SEMA5A: variants seen among roughly 807,000 people sequenced by gnomAD.
SEMA5A encodes the protein semaphorin 5A, also known as semaphorin-5A.
A neutral mutation model predicts 135.5 loss-of-function variants in SEMA5A; 55 were observed. The ratio of observed to expected loss-of-function variants is 0.41; its 90% CI spans 0.33 to 0.51. The LOEUF is 0.51. SEMA5A is among the 20% of genes least tolerant of loss of function. The pLI, the probability that SEMA5A is intolerant of heterozygous loss-of-function variation, is 0.37. For synonymous variants in SEMA5A, 580 were observed against 546.5 expected (o/e 1.06, Z -0.85); for missense variants, 1,290 against 1,419.9 (o/e 0.91, Z 1.47).
intron 4 of SEMA5A, among the ~76,000 whole-genome samples, chr5:9,327,624 A>G (rs1752938413): frequency 6.6e-6 from 1 of 152,244 alleles, no homozygotes. Flanking sequence ...AATGGCATGC[A>G]GTAACTAAAC....
At chr5:9,077,911 G>T (rs1414485506) in intron 16 of SEMA5A, among the ~76,000 whole-genome samples, 3 of 152,130 alleles carry the variant, frequency 2.0e-5, no homozygotes, top group Non-Finnish European at 4.4e-5. Flanking sequence ...GTACAAAAAT[G>T]GAACTACCTT....
intron 16 of SEMA5A, among the ~76,000 whole-genome samples, chr5:9,071,616 C>T (rs974799528): frequency 5.3e-5 from 8 of 152,020 alleles, no homozygotes; most frequent in Non-Finnish European, 2.9e-5. Context: ...GTTTATTTTT[C>T]CCTTGAGAAA....
At chr5:9,252,740 A>T (rs568937662) in intron 5 of SEMA5A, among the ~76,000 whole-genome samples, 1 of 152,320 alleles carries the variant, frequency 6.6e-6, no homozygotes, top group East Asian at 1.9e-4. Context: ...CTAAGATTCC[A>T]TATTCTTCCT....
At chr5:9,352,142 C>A (rs750975974) in intron 3 of SEMA5A, among the ~76,000 whole-genome samples, 1 of 148,728 alleles carries the variant, frequency 6.7e-6, no homozygotes, top group Non-Finnish European at 1.5e-5. Flanking sequence ...TATCTGTGTT[C>A]TCTTATCTAG....
At chr5:9,439,501 T>C (rs1487524470) in intron 1 of SEMA5A, among the ~76,000 whole-genome samples, 2 of 152,186 alleles carry the variant, frequency 1.3e-5, no homozygotes, top group African/African-American at 2.4e-5. Flanking sequence ...TTCTGTAAGT[T>C]CCCATGTCTC....
intron 1 of SEMA5A, chr5:9,511,987 G>A (rs1736229378): frequency 6.6e-6 from 1 of 152,164 alleles, no homozygotes; most frequent in South Asian, 2.1e-4. Context: ...CAGATATCTT[G>A]TTCTCTTTTG....
intron 12 of SEMA5A, among the ~76,000 whole-genome samples, chr5:9,150,086 G>T (rs1742551385): frequency 6.6e-6 from 1 of 152,104 alleles, no homozygotes; most frequent in African/African-American, 2.4e-5. Flanking sequence ...CAATCCTCCT[G>T]CCTCAGCCTC....
chr5:9,130,852 A>G (rs1040120036), intron 13 of SEMA5A, among the ~76,000 whole-genome samples: 3 of 152,188 alleles, frequency 2.0e-5, no homozygotes, highest in Non-Finnish European at 2.9e-5. Context: ...ATTAGGTATA[A>G]TGTCAAAAAT....
At chr5:9,165,437 G>T (rs1743549627) in intron 11 of SEMA5A, among the ~76,000 whole-genome samples, 1 of 152,074 alleles carries the variant, frequency 6.6e-6, no homozygotes, top group African/African-American at 2.4e-5. Context: ...ATAGTTTAAG[G>T]TATTTTTAAA....
chr5:9,059,612 T>C, intron 18 of SEMA5A, among the ~76,000 whole-genome samples: 1 of 152,218 alleles, frequency 6.6e-6, no homozygotes, highest in Non-Finnish European at 1.5e-5. Context: ...TGCAGTGGCA[T>C]GATCTCAGCT....
chr5:9,167,634 G>A (rs11957467), intron 11 of SEMA5A, among the ~76,000 whole-genome samples: 6 of 152,164 alleles, frequency 3.9e-5, no homozygotes, highest in Non-Finnish European at 8.8e-5. Flanking sequence ...CCAGCTCTCA[G>A]GCCTCTGGTC....
intron 1 of SEMA5A, chr5:9,522,750 A>C (rs766161732): frequency 6.6e-6 from 1 of 152,334 alleles, no homozygotes. Context: ...TTTGAAATTT[A>C]CCAAATTTGG....
Position 9,340,722 on chromosome 5 carries a change from A to G in SEMA5A, c.125-2910T>C, listed in dbSNP as rs143825546. ...GTATTTTTATGGTTAACATAGATCAAAGTTGAGTAATCTGCATATTCCCTT... is the reference window on the plus strand; with the variant it reads ...GTATTTTTATGGTTAACATAGATCAGAGTTGAGTAATCTGCATATTCCCTT... On this transcript the variant is annotated intron_variant, in intron 3 of 22. Coordinates refer to ENST00000382496, the MANE Select transcript of SEMA5A (RefSeq NM_003966.3). Among the ~76,000 whole-genome samples the G allele has an allele frequency of 4.8e-3, 734 of 152,332 alleles. 7 individuals carry two copies. Among genetic ancestry groups the G allele is most frequent in the African/African-American group, 0.017 (697 of 41,566 alleles).
intron 10 of SEMA5A, among the ~76,000 whole-genome samples, chr5:9,195,455 A>G (rs1433815100): frequency 6.6e-6 from 1 of 152,248 alleles, no homozygotes; most frequent in East Asian, 1.9e-4. Flanking sequence ...TATAGGCATG[A>G]GCCTCTGGGT....
chr5:9,095,819 C>G (rs1480342382), intron 16 of SEMA5A, among the ~76,000 whole-genome samples: 1 of 152,192 alleles, frequency 6.6e-6, no homozygotes, highest in Non-Finnish European at 1.5e-5. Flanking sequence ...ATGAGGCAAA[C>G]CAAACGAGTA....
chr5:9,540,477 G>C (rs1203866236), intron 1 of SEMA5A, among the ~76,000 whole-genome samples: 2 of 151,520 alleles, frequency 1.3e-5, no homozygotes, highest in Non-Finnish European at 2.9e-5. Context: ...GACACCTGTA[G>C]TCCCAGCTGC....
At chr5:9,382,541 G>A (rs937768760) in intron 2 of SEMA5A, among the ~76,000 whole-genome samples, 1 of 152,180 alleles carries the variant, frequency 6.6e-6, no homozygotes, top group African/African-American at 2.4e-5. Flanking sequence ...AACAAATGGG[G>A]AGGAAGGAAA....
At chr5:9,161,867 G>C (rs552832968) in intron 11 of SEMA5A, among the ~76,000 whole-genome samples, 1 of 152,328 alleles carries the variant, frequency 6.6e-6, no homozygotes, top group East Asian at 1.9e-4. Context: ...CAAGTAAGAT[G>C]ATGGAGGTTC....
At chr5:9,196,123 T>G (rs1207989618) in intron 10 of SEMA5A, among the ~76,000 whole-genome samples, 1 of 152,232 alleles carries the variant, frequency 6.6e-6, no homozygotes, top group Admixed American at 6.5e-5. Context: ...AAATGACAGC[T>G]GTGATAATGA....
Sources: allele counts gnomAD v4.1 joint callset (sites outside exome capture counted in the v4.1 genomes callset), GRCh38; gene constraint gnomAD v4.1.1; transcripts MANE v1.5; gene names NCBI Gene and HGNC (gene_info 2026-07-23, HGNC 2026-07-21).